CSMD1: variants seen among roughly 807,000 people sequenced by gnomAD.
CSMD1 encodes the protein CUB and sushi domain-containing protein 1.
CSMD1 carries 213 observed loss-of-function variants against 417.5 expected under a neutral mutation model. The observed-to-expected ratio is 0.51, with a 90% confidence interval of 0.46 to 0.57. CSMD1 has a LOEUF of 0.57. CSMD1 is among the 20% of genes least tolerant of loss of function. The pLI, the probability that CSMD1 is intolerant of heterozygous loss-of-function variation, is 0.00. For synonymous variants in CSMD1, 2,862 were observed against 1,736.8 expected (o/e 1.65, Z -16.11); for missense variants, 6,923 against 4,529.7 (o/e 1.53, Z -15.17).
At chr8:3,442,627 G>A (rs1460239788) in intron 12 of CSMD1, among the ~76,000 whole-genome samples, 1 of 152,090 alleles carries the variant, frequency 6.6e-6, no homozygotes, top group African/African-American at 2.4e-5. Flanking sequence ...CTGGGTTTGT[G>A]TAAGTGCACT....
At chr8:4,055,922 A>G (rs920276920) in intron 3 of CSMD1, among the ~76,000 whole-genome samples, 1 of 152,114 alleles carries the variant, frequency 6.6e-6, no homozygotes, top group Non-Finnish European at 1.5e-5. Context: ...TTAAGCTTTT[A>G]AACAAAAATA....
At chr8:3,201,918 GAC>G (rs1563137852) in intron 31 of CSMD1, among the ~76,000 whole-genome samples, 193 bp from the exon 32 acceptor site, 2 of 152,144 alleles carry the variant, frequency 1.3e-5, no homozygotes, top group African/African-American at 4.8e-5. Flanking sequence ...TTTGCTTCTT[GAC>G]TTTTGGCATT....
intron 1 of CSMD1, among the ~76,000 whole-genome samples, chr8:4,901,021 C>T (rs892639673): frequency 6.6e-6 from 1 of 152,112 alleles, no homozygotes; most frequent in Non-Finnish European, 1.5e-5. Context: ...GTAAAGAATG[C>T]CGATGTTCAA....
chr8:3,780,855 A>G (rs1293164748), intron 5 of CSMD1, among the ~76,000 whole-genome samples: 1 of 152,190 alleles, frequency 6.6e-6, no homozygotes, highest in Non-Finnish European at 1.5e-5. Context: ...TTCTCTGCTT[A>G]TTGGATATTT....
chr8:3,554,323 G>A (rs568814144), intron 10 of CSMD1, among the ~76,000 whole-genome samples: 10 of 152,354 alleles, frequency 6.6e-5, no homozygotes, highest in South Asian at 6.2e-4. Context: ...GAAGTCAGAA[G>A]AGTGAGAAAT....
chr8:2,990,000 T>G (rs1015452219), intron 54 of CSMD1, among the ~76,000 whole-genome samples: 1 of 152,180 alleles, frequency 6.6e-6, no homozygotes, highest in African/African-American at 2.4e-5. Flanking sequence ...CCTAGAAGGC[T>G]CTAGGGGGAT....
intron 1 of CSMD1, among the ~76,000 whole-genome samples, chr8:4,956,093 T>C (rs945523685): frequency 3.9e-5 from 6 of 152,184 alleles, no homozygotes; most frequent in South Asian, 4.1e-4. Context: ...GAGAGTTATT[T>C]GGTTATCACC....
At chr8:3,229,033 C>G (rs1798675341) in intron 27 of CSMD1, among the ~76,000 whole-genome samples, 1 of 152,110 alleles carries the variant, frequency 6.6e-6, no homozygotes, top group Non-Finnish European at 1.5e-5. Flanking sequence ...GCTATCCAAC[C>G]TCATCTGTCT....
At chr8:3,738,201 A>G (rs766157411) in intron 6 of CSMD1, among the ~76,000 whole-genome samples, 79 of 152,348 alleles carry the variant, frequency 5.2e-4, no homozygotes, top group Middle Eastern at 6.8e-3. Context: ...GCACAGAAAT[A>G]AATTATATGA....
intron 5 of CSMD1, among the ~76,000 whole-genome samples, chr8:3,784,139 TTTC>T (rs1276594098): frequency 1.5e-4 from 16 of 105,416 alleles, no homozygotes; most frequent in African/African-American, 6.9e-4. Context: ...TTCCTCTCTC[TTTC>T]TCTCTCTCAT....
chr8:4,100,539 A>T (rs186989068), intron 3 of CSMD1, among the ~76,000 whole-genome samples: 2 of 152,322 alleles, frequency 1.3e-5, no homozygotes, highest in Admixed American at 1.3e-4. Flanking sequence ...AGAAGTGTTG[A>T]AGGATCAAAT....
chr8:3,511,093 A>T (rs529939513), intron 10 of CSMD1, among the ~76,000 whole-genome samples: 1 of 151,944 alleles, frequency 6.6e-6, no homozygotes, highest in Admixed American at 6.5e-5. Context: ...ACATGGATGA[A>T]GCTGGAAACC....
chr8:3,884,360 G>T (rs1203512411), intron 5 of CSMD1, among the ~76,000 whole-genome samples: 1 of 152,140 alleles, frequency 6.6e-6, no homozygotes, highest in Non-Finnish European at 1.5e-5. Context: ...ATTCCCTAGA[G>T]AACTGTTAGT....
intron 21 of CSMD1, among the ~76,000 whole-genome samples, chr8:3,350,207 A>T (rs1326290664): frequency 7.6e-6 from 1 of 131,932 alleles, no homozygotes; most frequent in East Asian, 2.3e-4. Flanking sequence ...TGTGTGTGTT[A>T]TAATACCTAT....
chr8:3,445,388 C>G (rs1180710096), intron 12 of CSMD1, among the ~76,000 whole-genome samples: 1 of 152,124 alleles, frequency 6.6e-6, no homozygotes. Flanking sequence ...CACAAACACT[C>G]AAGAGGCAGA....
At chr8:3,095,677 A>G (rs1214923872) in intron 47 of CSMD1, among the ~76,000 whole-genome samples, 1 of 152,216 alleles carries the variant, frequency 6.6e-6, no homozygotes, top group Admixed American at 6.5e-5. Context: ...AATTGATTGT[A>G]ATTTATCTGA....
chr8:3,727,324 C>A lies in CSMD1; in HGVS notation c.932-18833G>T, dbSNP rs555511923. On this transcript the variant is annotated intron_variant, in intron 6 of 69. Transcript: ENST00000635120. ...TCATCTGCAGAGCCTCCCGCCTGAA[C>A]GGTGGCACTGCAGTTCCCATAAATA... Among the ~76,000 whole-genome samples, 5 of 152,306 alleles carry A rather than the reference C, an allele frequency of 3.3e-5. No homozygotes were observed. In the East Asian group the frequency reaches 7.7e-4, roughly 24 times the overall value.
At chr8:3,078,086 T>C (rs1380610684) in intron 49 of CSMD1, among the ~76,000 whole-genome samples, 2 of 152,244 alleles carry the variant, frequency 1.3e-5, no homozygotes, top group African/African-American at 2.4e-5. Flanking sequence ...AACTCCATTA[T>C]AGCATTTTTA....
chr8:4,894,698 C>CTGTGTTTG (rs1554513191), intron 1 of CSMD1, among the ~76,000 whole-genome samples: 3 of 149,906 alleles, frequency 2.0e-5, no homozygotes, highest in Non-Finnish European at 4.4e-5. Context: ...ATCTGAAAGA[C>CTGTGTTTG]TGTGTGTGTG....
Sources: allele counts gnomAD v4.1 joint callset (sites outside exome capture counted in the v4.1 genomes callset), GRCh38; gene constraint gnomAD v4.1.1; transcripts MANE v1.5; gene names NCBI Gene and HGNC (gene_info 2026-07-23, HGNC 2026-07-21).